The following PASD1 variants were observed in gnomAD, a reference collection of about 807,000 sequenced individuals.
PASD1 encodes PAS domain containing repressor 1, also known as circadian clock protein PASD1.
PASD1 carries 13 observed loss-of-function variants against 58.8 expected under a neutral mutation model. The ratio of observed to expected loss-of-function variants is 0.22; its 90% CI spans 0.14 to 0.35. The LOEUF is 0.35. Ranked by LOEUF, PASD1 falls within the 10% of genes least tolerant of loss-of-function variation. The probability of loss-of-function intolerance (pLI) is 1.00; values close to 1 mark genes in which losing one functional copy is unlikely to be tolerated. For synonymous variants in PASD1, 236 were observed against 216.7 expected, an observed-to-expected ratio of 1.09 and a Z score of -0.78; for missense variants, 734 against 568.3, an observed-to-expected ratio of 1.29 and a Z score of -2.96.
intron 1 of PASD1, among the ~76,000 whole-genome samples, chrX:151,601,192 A>C (rs903276171): frequency 1.8e-5 from 2 of 112,587 alleles, no homozygotes; most frequent in African/African-American, 6.5e-5. Flanking sequence ...ATTAAAACAC[A>C]AATTAAGGGT....
At chrX:151,601,938 T>C (rs2013421930) in intron 2 of PASD1, among the ~76,000 whole-genome samples, 1 of 112,385 alleles carries the variant, frequency 8.9e-6, no homozygotes, top group Non-Finnish European at 1.9e-5. Context: ...CATTTGTGTT[T>C]GAGAAGATAA....
chrX:151,594,324 A>G (rs1393302227), intron 1 of PASD1, among the ~76,000 whole-genome samples: 2 of 111,621 alleles, frequency 1.8e-5, no homozygotes, highest in East Asian at 2.8e-4. Context: ...CCATCTTACT[A>G]TATGTTTTCT....
intron 9 of PASD1, among the ~76,000 whole-genome samples, chrX:151,649,302 T>C (rs971055184): frequency 8.9e-6 from 1 of 111,845 alleles, no homozygotes; most frequent in Non-Finnish European, 1.9e-5. Flanking sequence ...TGCCACTCTA[T>C]GGGTATATGT....
At chrX:151,577,979 C>T (rs1383036226) in intron 1 of PASD1, among the ~76,000 whole-genome samples, 1 of 111,847 alleles carries the variant, frequency 8.9e-6, no homozygotes, top group Non-Finnish European at 1.9e-5. Context: ...ATTCATAAAC[C>T]TTGGAGGGGA....
intron 3 of PASD1, among the ~76,000 whole-genome samples, chrX:151,610,670 G>T (rs1440034712): frequency 9.0e-6 from 1 of 111,110 alleles, no homozygotes; most frequent in Non-Finnish European, 1.9e-5. Context: ...TAATTCTCTA[G>T]ATGTGATTTT....
intron 8 of PASD1, among the ~76,000 whole-genome samples, chrX:151,635,865 A>G (rs1325016086): frequency 1.0e-5 from 1 of 99,278 alleles, no homozygotes; most frequent in Non-Finnish European, 2.2e-5. Flanking sequence ...TTAAGAGAGT[A>G]GATTTTAAGT....
intron 9 of PASD1, among the ~76,000 whole-genome samples, chrX:151,649,304 G>T (rs926252437): frequency 1.3e-4 from 15 of 111,494 alleles, no homozygotes; most frequent in Admixed American, 2.8e-4. Flanking sequence ...CCACTCTATG[G>T]GTATATGTAC....
At chrX:151,563,980 C>T (rs1444066102) in intron 1 of PASD1, 141 bp downstream of exon 1, 1 of 112,494 alleles carries the variant, frequency 8.9e-6, no homozygotes, top group South Asian at 3.7e-4. Flanking sequence ...CCTCGTTTTC[C>T]TGGTCATCCT....
At chrX:151,641,091 C>T (rs1417141524) in intron 8 of PASD1, 2 of 110,698 alleles carry the variant, frequency 1.8e-5, no homozygotes, top group Non-Finnish European at 3.8e-5. Flanking sequence ...TTTGTGTTTA[C>T]TTTTTAAGTG....
At chrX:151,644,018 G>T (rs1462602757) in intron 8 of PASD1, among the ~76,000 whole-genome samples, 3 of 111,608 alleles carry the variant, frequency 2.7e-5, no homozygotes, top group Non-Finnish European at 5.6e-5. Flanking sequence ...ATTATTGAGG[G>T]TGATGATGAA....
At chrX:151,614,034 G>A (rs1391167615) in intron 4 of PASD1, among the ~76,000 whole-genome samples, 4 of 109,395 alleles carry the variant, frequency 3.7e-5, no homozygotes, top group Non-Finnish European at 7.6e-5. Context: ...ACCCAGGCTG[G>A]AGTGCAATGG....
chrX:151,637,729 T>G (rs2013948542), intron 8 of PASD1, among the ~76,000 whole-genome samples: 2 of 111,763 alleles, frequency 1.8e-5, no homozygotes, highest in Non-Finnish European at 3.8e-5. Context: ...TTTTCAAAAT[T>G]TTAGCCACTA....
chrX:151,663,378 C>T (rs774071818), intron 10 of PASD1, among the ~76,000 whole-genome samples: 1 of 112,306 alleles, frequency 8.9e-6, no homozygotes, highest in Admixed American at 9.4e-5. Flanking sequence ...CATGAATCAA[C>T]GGTTCATTCC....
intron 8 of PASD1, among the ~76,000 whole-genome samples, chrX:151,634,723 T>C (rs2013907671): frequency 8.9e-6 from 1 of 111,864 alleles, no homozygotes; most frequent in African/African-American, 3.2e-5. Context: ...AGAAGCAATG[T>C]TGTATTCTCA....
intron 9 of PASD1, among the ~76,000 whole-genome samples, chrX:151,657,594 G>A (rs1415968480): frequency 4.5e-5 from 5 of 111,553 alleles, no homozygotes; most frequent in Admixed American, 2.9e-4. Flanking sequence ...TTGGGAGGGC[G>A]TATGTGTCCA....
intron 9 of PASD1, among the ~76,000 whole-genome samples, chrX:151,654,289 G>A (rs1039694785): frequency 9.0e-6 from 1 of 110,521 alleles, no homozygotes; most frequent in African/African-American, 3.3e-5. Flanking sequence ...TTCTTTGGGG[G>A]GAGGAGTAAT....
chrX:151,625,553 C>T (rs1455318275), intron 8 of PASD1, 23 bp downstream of exon 8: 2 of 1,086,138 alleles, frequency 1.8e-6, no homozygotes, highest in Non-Finnish European at 2.5e-6. Context: ...ATTGATAAAG[C>T]TAATGAAGAT....
intron 9 of PASD1, among the ~76,000 whole-genome samples, chrX:151,655,822 G>T (rs2014232752): frequency 1.8e-5 from 2 of 111,913 alleles, no homozygotes; most frequent in African/African-American, 6.5e-5. Flanking sequence ...CACTCTGACG[G>T]TAGTTTCTTT....
intron 1 of PASD1, among the ~76,000 whole-genome samples, chrX:151,596,303 CAT>C (rs1479191124): frequency 8.9e-6 from 1 of 111,929 alleles, no homozygotes; most frequent in African/African-American, 3.3e-5. Context: ...GGGAAGGGGA[CAT>C]GTGCAAAAAG....
Sources: allele counts gnomAD v4.1 joint callset (sites outside exome capture counted in the v4.1 genomes callset), GRCh38; gene constraint gnomAD v4.1.1; transcripts MANE v1.5; gene names NCBI Gene and HGNC (gene_info 2026-07-23, HGNC 2026-07-21).